GPR107: variants seen among roughly 807,000 people sequenced by gnomAD.
GPR107 encodes protein GPR107.
GPR107 carries 31 observed loss-of-function variants against 75.5 expected under a neutral mutation model. The ratio of observed to expected loss-of-function variants is 0.41; its 90% confidence interval spans 0.31 to 0.55. The LOEUF is 0.55. Ranked by LOEUF, GPR107 falls within the 20% of genes least tolerant of loss-of-function variation. GPR107 has a pLI of 0.26. For missense variants in GPR107, 572 were observed against 665.7 expected (o/e 0.86, Z 1.55); for synonymous variants, 267 against 251.3 (o/e 1.06, Z -0.59).
At chr9:130,099,868 CTTTTTTTTTTTTTTTTTTTTTTTTTTTTT>C (rs71387314) in intron 10 of GPR107, among the ~76,000 whole-genome samples, 24 of 90,014 alleles carry the variant, frequency 2.7e-4, no homozygotes, top group East Asian at 4.0e-4. Flanking sequence ...GTTTCCACGA[CTTTTTTTTTTTTTTTTTTTTTTTTTTTTT>C]TTTTTTTTTT....
At chr9:130,075,241 CTTTTT>C (rs149248581) in intron 1 of GPR107, among the ~76,000 whole-genome samples, 4 of 76,730 alleles carry the variant, frequency 5.2e-5, no homozygotes, top group Non-Finnish European at 5.2e-5. Flanking sequence ...TTTCTTTTAC[CTTTTT>C]TTTTTTTTTT....
intron 1 of GPR107, among the ~76,000 whole-genome samples, chr9:130,062,636 G>GCCTT (rs1829956768): frequency 2.0e-5 from 2 of 99,740 alleles, no homozygotes; most frequent in African/African-American, 3.4e-5. Flanking sequence ...CTGCCTTCCT[G>GCCTT]CCTGCCTGCC....
At chr9:130,100,794 C>T (rs868124731) in intron 11 of GPR107, 92 bp downstream of exon 11, 14 of 911,802 alleles carry the variant, frequency 1.5e-5, no homozygotes, top group African/African-American at 1.5e-4. Flanking sequence ...ACCAGCCCTG[C>T]CCTCCTGTGG....
At chr9:130,124,767 G>A (rs1337081513) in intron 14 of GPR107, 148 bp from the exon 15 acceptor site, 12 of 600,200 alleles carry the variant, frequency 2.0e-5, no homozygotes, top group Non-Finnish European at 3.2e-5. Context: ...ACCGCCCAGC[G>A]GACTTGATTC....
At chr9:130,086,078 T>C (rs972357308) in intron 6 of GPR107, among the ~76,000 whole-genome samples, 2 of 151,340 alleles carry the variant, frequency 1.3e-5, no homozygotes, top group Non-Finnish European at 2.9e-5. Flanking sequence ...ATGTCAGGAG[T>C]GGAATTCAGG....
At position 130,109,314 on chromosome 9, in the gene GPR107, G is replaced by T. The variant is rs1485244933; in HGVS notation, c.1306+1775G>T. On this transcript the variant is annotated intron_variant, in intron 14 of 17. Coordinates refer to ENST00000347136, the MANE Select transcript of GPR107 (RefSeq NM_020960.5). The stretch of plus-strand genomic sequence containing the variant: ...GCCTCCCAAGTAGCTGGGATTACAG[G>T]TGCCTGCTACCACGCTCAGCTAATT... Among the ~76,000 whole-genome samples, 11 of 151,952 alleles carry T rather than the reference G, an allele frequency of 7.2e-5. No individual in the cohort carries two copies. In the East Asian group the frequency reaches 1.9e-3, roughly 27 times the overall value.
At chr9:130,109,084 C>A (rs995349584) in intron 14 of GPR107, among the ~76,000 whole-genome samples, 4 of 148,718 alleles carry the variant, frequency 2.7e-5, no homozygotes, top group African/African-American at 9.9e-5. Context: ...ACTGCAACCT[C>A]CACCTCCTGG....
At chr9:130,105,457 A>G (rs538156285) in intron 13 of GPR107, among the ~76,000 whole-genome samples, 20 of 152,074 alleles carry the variant, frequency 1.3e-4, no homozygotes, top group African/African-American at 4.8e-4. Context: ...GGGTTTCGCC[A>G]TTTTGGCCAG....
chr9:130,106,610 A>AATAG (rs1831162653), intron 13 of GPR107, among the ~76,000 whole-genome samples: 1 of 93,374 alleles, frequency 1.1e-5, no homozygotes, highest in Admixed American at 1.1e-4. Context: ...TAAATAAATA[A>AATAG]ATAAATAAAT....
intron 6 of GPR107, among the ~76,000 whole-genome samples, chr9:130,085,754 A>ATTTTTTT (rs71387311): frequency 0.044 from 3,481 of 78,546 alleles, 769 homozygotes; most frequent in African/African-American, 0.15. Flanking sequence ...CAATATTTTG[A>ATTTTTTT]TTTTTTTTTT....
At chr9:130,119,769 G>A (rs1302373367) in intron 14 of GPR107, among the ~76,000 whole-genome samples, 2 of 152,136 alleles carry the variant, frequency 1.3e-5, no homozygotes, top group Non-Finnish European at 2.9e-5. Context: ...TGTCTTATGC[G>A]TGACTGGAAA....
chr9:130,063,710 T>A (rs750986349), intron 1 of GPR107, among the ~76,000 whole-genome samples: 2 of 152,030 alleles, frequency 1.3e-5, no homozygotes, highest in Non-Finnish European at 2.9e-5. Flanking sequence ...AAAACAGCCC[T>A]GGGAAATTCC....
chr9:130,085,898 GCAC>G (rs1339117641), intron 6 of GPR107, among the ~76,000 whole-genome samples: 1 of 151,636 alleles, frequency 6.6e-6, no homozygotes, highest in Non-Finnish European at 1.5e-5. Flanking sequence ...TTATAGACAC[GCAC>G]CACCACGCCT....
intron 8 of GPR107, 114 bp from the exon 9 acceptor site, chr9:130,092,134 C>T (rs1252932319): frequency 1.5e-5 from 13 of 847,492 alleles, no homozygotes; most frequent in Non-Finnish European, 2.5e-5. Flanking sequence ...GCCACCATGC[C>T]CAGCCACTGG....
At chr9:130,104,909 A>C (rs1831125585) in intron 13 of GPR107, among the ~76,000 whole-genome samples, 1 of 152,218 alleles carries the variant, frequency 6.6e-6, no homozygotes, top group Non-Finnish European at 1.5e-5. Flanking sequence ...TTGCCAACTT[A>C]GGTGGAAAAT....
intron 1 of GPR107, among the ~76,000 whole-genome samples, chr9:130,059,855 C>T (rs765301756): frequency 1.3e-5 from 2 of 151,748 alleles, no homozygotes; most frequent in Admixed American, 1.3e-4. Flanking sequence ...TCTCCTGCCT[C>T]GACCTCCTGA....
intron 11 of GPR107, among the ~76,000 whole-genome samples, chr9:130,100,904 G>A (rs566543770): frequency 1.6e-4 from 24 of 152,332 alleles, no homozygotes; most frequent in Middle Eastern, 3.4e-3. Context: ...GCCTCTCTGC[G>A]GCCATTGGCT....
intron 1 of GPR107, among the ~76,000 whole-genome samples, chr9:130,063,367 T>G (rs554078729): frequency 6.6e-6 from 1 of 152,324 alleles, no homozygotes; most frequent in South Asian, 2.1e-4. Flanking sequence ...ATTTTTTGTA[T>G]TTTTAGTAGA....
chr9:130,064,556 A>C (rs1424585733), intron 1 of GPR107, among the ~76,000 whole-genome samples: 1 of 152,194 alleles, frequency 6.6e-6, no homozygotes, highest in Non-Finnish European at 1.5e-5. Context: ...TAACAAAAAT[A>C]TGGGTCATGT....
Sources: gnomAD v4.1 joint callset for allele counts (sites outside exome capture counted in the v4.1 genomes callset) on GRCh38, gnomAD v4.1.1 for gene constraint, MANE v1.5 for transcripts, NCBI Gene and HGNC (gene_info 2026-07-23, HGNC 2026-07-21) for gene names.